CDH4: variants seen among roughly 807,000 people sequenced by gnomAD.
The protein encoded by CDH4 is cadherin-4.
In CDH4, 33 loss-of-function variants were observed where a neutral mutation model predicts 86.0. The ratio of observed to expected loss-of-function variants is 0.38; its 90% CI spans 0.29 to 0.51. The LOEUF is 0.51. Among genes scored for constraint, CDH4 ranks in the 20% least tolerant of loss-of-function variants. CDH4 has a pLI of 0.86. For missense variants in CDH4, 1,114 were observed against 1,307.4 expected, an observed-to-expected ratio of 0.85 and a Z score of 2.28; for synonymous variants, 555 against 549.4, an observed-to-expected ratio of 1.01 and a Z score of -0.14.
At chr20:61,508,753 A>G (rs867960531) in intron 2 of CDH4, among the ~76,000 whole-genome samples, 3 of 152,232 alleles carry the variant, frequency 2.0e-5, no homozygotes, top group Non-Finnish European at 4.4e-5. Context: ...GGATTTGAGC[A>G]GTTTCTTCAG....
In CDH4 at chr20:61,676,861, G is replaced by A. The variant is rs537848698; in HGVS notation, c.170-66702G>A. On this transcript the variant is annotated intron_variant, in intron 2 of 15. Coordinates refer to ENST00000614565, the MANE Select transcript of CDH4 (RefSeq NM_001794.5). The surrounding 1 kb of genome is among the most constrained non-coding windows in gnomAD (Gnocchi z 4.5). ...AGGTCAGGGGAGGCCTGGCTGGGTG[G>A]CCTTTGCCAGGGGAGGCCTGACTGG... Among the ~76,000 whole-genome samples, 22 of 152,164 alleles carry A rather than the reference G, an allele frequency of 1.4e-4. No homozygotes were observed. The highest frequency in any genetic ancestry group is 2.6e-4 in the Non-Finnish European group (18 of 68,022).
intron 2 of CDH4, chr20:61,738,580 G>A (rs2088294049): frequency 6.6e-6 from 1 of 152,302 alleles, no homozygotes; most frequent in Non-Finnish European, 1.5e-5. Flanking sequence ...CAGGACCTGA[G>A]GGGCCATAGC....
At chr20:61,770,906 G>C (rs2088767503) in intron 3 of CDH4, among the ~76,000 whole-genome samples, 1 of 150,040 alleles carries the variant, frequency 6.7e-6, no homozygotes, top group African/African-American at 2.4e-5. Flanking sequence ...ACACAGAAAG[G>C]TAAAAGGAAG....
Position 61,377,758 on chromosome 20 carries a change from A to T in CDH4, c.169+122821A>T, listed in dbSNP as rs145604430. On this transcript the variant is annotated intron_variant, in intron 2 of 15. Transcript: ENST00000614565. This position sits in a 1 kb window ranked among gnomAD's most constrained non-coding sequence, Gnocchi z 4.0. ...CAGTGCTGTGTAAAGGGTACATTCC[A>T]TCTGTTCCCCATCTGGACTCCTTAG... is the stretch of plus-strand genomic sequence containing the variant. 6.6e-6 allele frequency among the ~76,000 whole-genome samples: 1 copy of T among 152,354 alleles called. No individual in the cohort carries two copies. Among genetic ancestry groups the T allele is most frequent in the Non-Finnish European group, 1.5e-5 (1 of 68,038 alleles).
At chr20:61,499,340 C>A in intron 2 of CDH4, 1 of 731,582 alleles carries the variant, frequency 1.4e-6, no homozygotes, top group Non-Finnish European at 2.0e-6. Context: ...GCCTCAGTTT[C>A]GCCACCTAGA....
intron 2 of CDH4, among the ~76,000 whole-genome samples, chr20:61,550,857 G>A (rs915696781): frequency 6.6e-6 from 1 of 152,176 alleles, no homozygotes; most frequent in Non-Finnish European, 1.5e-5. Flanking sequence ...CTGAGCAGGA[G>A]CGGAATCACT....
chr20:61,276,159 C>G (rs1259267276), intron 2 of CDH4, among the ~76,000 whole-genome samples: 1 of 152,154 alleles, frequency 6.6e-6, no homozygotes, highest in Non-Finnish European at 1.5e-5. Flanking sequence ...CTCACAGTGC[C>G]TGTCTTTTGG....
At chr20:61,464,578 A>T (rs2085462672) in intron 2 of CDH4, among the ~76,000 whole-genome samples, 2 of 152,224 alleles carry the variant, frequency 1.3e-5, no homozygotes, top group Non-Finnish European at 2.9e-5. Context: ...AATACTAGAG[A>T]AGGTTAATTG....
At chr20:61,368,770 G>C (rs966603829) in intron 2 of CDH4, among the ~76,000 whole-genome samples, 1 of 152,102 alleles carries the variant, frequency 6.6e-6, no homozygotes, top group Non-Finnish European at 1.5e-5. Flanking sequence ...GCCTGCCTTG[G>C]CCTCCCAAAG....
chr20:61,272,939 G>T (rs1310884737), intron 2 of CDH4, among the ~76,000 whole-genome samples: 1 of 132,718 alleles, frequency 7.5e-6, no homozygotes, highest in African/African-American at 2.9e-5. Context: ...AGTACCGTGT[G>T]CAGTTTGGGG....
rs1186516940 is a variant in CDH4 at position 61,653,673 on chromosome 20, C to T, written c.170-89890C>T. ...GGGGCTCCTCACTTCTCAGACAGGGCGGCCGGGCAGAGACGCTCCTCACCT... is the reference window on the plus strand; with the variant it reads ...GGGGCTCCTCACTTCTCAGACAGGGTGGCCGGGCAGAGACGCTCCTCACCT... On this transcript the variant is annotated intron_variant, in intron 2 of 15. Transcript: ENST00000614565. 4.9e-3 allele frequency among the ~76,000 whole-genome samples: 469 copies of T among 96,402 alleles called. 45 individuals carry two copies. Among genetic ancestry groups the T allele is most frequent in the African/African-American group, 0.014 (424 of 29,596 alleles). 63.2% of individuals were successfully genotyped at this position (96,402 alleles called of 152,430 possible).
At chr20:61,405,068 A>G (rs2085073860) in intron 2 of CDH4, among the ~76,000 whole-genome samples, 1 of 152,098 alleles carries the variant, frequency 6.6e-6, no homozygotes, top group Non-Finnish European at 1.5e-5. Context: ...AAGCTCCCTT[A>G]TTTCTACTGG....
At chr20:61,261,943 G>A (rs916159298) in intron 2 of CDH4, among the ~76,000 whole-genome samples, 2 of 152,214 alleles carry the variant, frequency 1.3e-5, no homozygotes, top group Admixed American at 6.5e-5. Context: ...TTTCAATTCT[G>A]AGCATGCAGC....
intron 2 of CDH4, among the ~76,000 whole-genome samples, chr20:61,672,020 G>T (rs1251511821): frequency 6.9e-6 from 1 of 144,992 alleles, no homozygotes; most frequent in East Asian, 2.2e-4. Context: ...TGGATGTATG[G>T]ACAGATGGGT....
At chr20:61,760,356 C>T (rs1201456660) in intron 3 of CDH4, among the ~76,000 whole-genome samples, 1 of 152,252 alleles carries the variant, frequency 6.6e-6, no homozygotes, top group Non-Finnish European at 1.5e-5. Context: ...ATAGCCCAGG[C>T]TCCGGCTTTG....
chr20:61,457,455 G>A (rs1042267079), intron 2 of CDH4, among the ~76,000 whole-genome samples: 1 of 152,240 alleles, frequency 6.6e-6, no homozygotes, highest in African/African-American at 2.4e-5. Flanking sequence ...TGACTGTGAT[G>A]TGAGTGACAG....
chr20:61,634,871 C>T (rs1201682103), intron 2 of CDH4, among the ~76,000 whole-genome samples: 1 of 152,220 alleles, frequency 6.6e-6, no homozygotes, highest in East Asian at 1.9e-4. Context: ...GTGATTTTGA[C>T]TGCACTATGC....
intron 2 of CDH4, among the ~76,000 whole-genome samples, chr20:61,558,044 G>A (rs529692390): frequency 3.3e-5 from 5 of 152,144 alleles, no homozygotes; most frequent in Non-Finnish European, 5.9e-5. Flanking sequence ...TTTCAAGCTC[G>A]AGTTTTGGTG....
chr20:61,441,457 C>A (rs2085314887), intron 2 of CDH4, among the ~76,000 whole-genome samples: 1 of 152,202 alleles, frequency 6.6e-6, no homozygotes, highest in African/African-American at 2.4e-5. Flanking sequence ...AGACCCCTTT[C>A]CCCACTGCCA....
Sources: gnomAD v4.1 joint callset for allele counts (sites outside exome capture counted in the v4.1 genomes callset) on GRCh38, gnomAD v4.1.1 for gene constraint, Gnocchi (gnomAD v3.1) non-coding constraint, MANE v1.5 for transcripts, NCBI Gene and HGNC (gene_info 2026-07-23, HGNC 2026-07-21) for gene names.